The following RNFT2 variants were observed in gnomAD, a reference collection of about 807,000 sequenced individuals.
RNFT2 encodes ring finger protein, transmembrane 2, also known as E3 ubiquitin-protein ligase RNFT2.
RNFT2 carries 36 observed loss-of-function variants against 53.0 expected under a neutral mutation model. That is an observed-to-expected ratio of 0.68 (90% confidence interval 0.52 to 0.90). The LOEUF (loss-of-function observed/expected upper bound fraction) is 0.90, where lower values mean the gene tolerates loss of function less well. RNFT2 is among the 40% of genes least tolerant of loss of function. The pLI is 0.00. For missense variants in RNFT2, 514 were observed against 585.6 expected, an observed-to-expected ratio of 0.88 and a Z score of 1.26; for synonymous variants, 260 against 253.2, an observed-to-expected ratio of 1.03 and a Z score of -0.26.
At chr12:116,768,780 G>T (rs1350580571) in intron 6 of RNFT2, among the ~76,000 whole-genome samples, 2 of 150,500 alleles carry the variant, frequency 1.3e-5, no homozygotes, top group African/African-American at 4.9e-5. Context: ...GCCCAGGCTG[G>T]AGTGCAGTGG....
At chr12:116,841,780 A>AATAT (rs1180873080) in intron 10 of RNFT2, among the ~76,000 whole-genome samples, 3 of 101,330 alleles carry the variant, frequency 3.0e-5, no homozygotes, top group African/African-American at 1.3e-4. Context: ...TATATATATA[A>AATAT]ATATATATAT....
Position 116,762,802 on chromosome 12 carries a change from G to C in RNFT2, c.628-4012G>C, listed in dbSNP as rs374141291. ...AATTTTTATATTTTTAGTAGAGATG[G>C]GGTTTCACCACGTTGGCCAGGCTGG... is the stretch of plus-strand genomic sequence containing the variant. On this transcript the variant is annotated intron_variant, in intron 5 of 10. Coordinates refer to ENST00000257575, the MANE Select transcript of RNFT2 (RefSeq NM_001382266.1). Among the ~76,000 whole-genome samples, 365 of 152,140 alleles carry C rather than the reference G, an allele frequency of 2.4e-3. 3 individuals carry two copies. Among genetic ancestry groups the C allele is most frequent in the African/African-American group, 8.6e-3 (357 of 41,520 alleles).
chr12:116,841,818 A>T (rs71442800), intron 10 of RNFT2, among the ~76,000 whole-genome samples: 811 of 76,478 alleles, frequency 0.011, 23 homozygotes, highest in African/African-American at 0.035. Context: ...TATATATATA[A>T]AAATATATAT....
chr12:116,741,379 A>C (rs1225065135), intron 3 of RNFT2, among the ~76,000 whole-genome samples: 1 of 152,220 alleles, frequency 6.6e-6, no homozygotes, highest in Non-Finnish European at 1.5e-5. Flanking sequence ...TATCACAAAA[A>C]TATCATAGAA....
In RNFT2 at chr12:116,833,691, G is replaced by A; in HGVS notation, c.883-101G>A. 3 of 1,209,744 alleles carry A rather than the reference G, an allele frequency of 2.5e-6. No individual in the cohort carries two copies. The Admixed American group carries it at 6.3e-5, about 26-fold the overall frequency. The allele number at this position is 1,209,744 out of a possible 1,614,324, so 74.9% of individuals were successfully genotyped here. On this transcript the variant is annotated intron_variant, in intron 7 of 10. Coordinates refer to ENST00000257575, the MANE Select transcript of RNFT2 (RefSeq NM_001382266.1). ...TCCAGAGCTGATTAATGGCCTGCCT[G>A]TGACCTAGAATGTCATCACTGCCCG...
intron 7 of RNFT2, among the ~76,000 whole-genome samples, chr12:116,810,216 G>A (rs1875303067): frequency 6.6e-6 from 1 of 152,126 alleles, no homozygotes; most frequent in Non-Finnish European, 1.5e-5. Context: ...GGAAAACAGA[G>A]AATGGACACC....
chr12:116,827,134 C>T (rs1220869795), intron 7 of RNFT2, among the ~76,000 whole-genome samples: 1 of 150,328 alleles, frequency 6.7e-6, no homozygotes, highest in Admixed American at 6.6e-5. Context: ...GCAGGAGAAT[C>T]GTTTGAATCC....
At chr12:116,771,793 C>T (rs983514516) in intron 6 of RNFT2, among the ~76,000 whole-genome samples, 6 of 152,146 alleles carry the variant, frequency 3.9e-5, no homozygotes, top group Non-Finnish European at 7.4e-5. Context: ...GAATGGATTA[C>T]TTAGCCCCGA....
chr12:116,851,945 C>T lies in RNFT2; in HGVS notation c.*2497C>T, dbSNP rs987324366. 2.0e-6 allele frequency: 3 copies of T among 1,527,864 alleles called. No homozygotes were observed. The highest frequency in any genetic ancestry group is 2.6e-6 in the Non-Finnish European group (3 of 1,143,848). The allele number at this position is 1,527,864 out of a possible 1,614,324, so 94.6% of individuals were successfully genotyped here. ...TGGACATTGCCATCCCCTCTGGTAG[C>T]CTTCAGAGCAAACAGGACAACCTAT... On this transcript the variant is annotated 3_prime_UTR_variant, in exon 11 of 11. Coordinates refer to ENST00000257575, the MANE Select transcript of RNFT2 (RefSeq NM_001382266.1).
rs1361943699 is a variant in RNFT2, at chr12:116,851,791, G to A, written c.*2343G>A. On this transcript the variant is annotated 3_prime_UTR_variant, in exon 11 of 11. Transcript: ENST00000257575. ...GGGAGGGAGGGAGGAAGGAAGGAAG[G>A]AAGGAAAGAAAGAAAGGTCAGCTTT... 1 of 858,432 alleles carries A rather than the reference G, an allele frequency of 1.2e-6. No individual in the cohort carries two copies. The highest frequency in any genetic ancestry group is 1.9e-6 in the Non-Finnish European group (1 of 535,226). The allele number at this position is 858,432 out of a possible 1,614,324, so 53.2% of individuals were successfully genotyped here.
At chr12:116,785,074 G>GT (rs1873868643) in intron 7 of RNFT2, among the ~76,000 whole-genome samples, 2 of 151,912 alleles carry the variant, frequency 1.3e-5, no homozygotes, top group African/African-American at 4.8e-5. Flanking sequence ...ACACGCCTTG[G>GT]TTCCCCCTCT....
chr12:116,795,183 A>T (rs1044053196), intron 7 of RNFT2, among the ~76,000 whole-genome samples: 1 of 152,162 alleles, frequency 6.6e-6, no homozygotes, highest in African/African-American at 2.4e-5. Flanking sequence ...AGACAGGTGG[A>T]TCACCTGGGG....
rs1175959708 is a variant in RNFT2 at position 116,851,567 on chromosome 12, C to T, written c.*2119C>T. On this transcript the variant is annotated 3_prime_UTR_variant, in exon 11 of 11. Coordinates refer to ENST00000257575, the MANE Select transcript of RNFT2 (RefSeq NM_001382266.1). ...TAGCCTGGCCAACATGGCAAAACCC[C>T]CTCTTTACTAAAAAATACAAAAATT... 2 of 582,572 alleles carry T rather than the reference C, an allele frequency of 3.4e-6. No individual in the cohort carries two copies. The highest frequency in any genetic ancestry group is 6.1e-6 in the Non-Finnish European group (2 of 328,440). 36.1% of individuals were successfully genotyped at this position (582,572 alleles called of 1,614,324 possible).
At chr12:116,785,077 C>T (rs1212145864) in intron 7 of RNFT2, among the ~76,000 whole-genome samples, 1 of 152,080 alleles carries the variant, frequency 6.6e-6, no homozygotes, top group Non-Finnish European at 1.5e-5. Context: ...CGCCTTGGTT[C>T]CCCCTCTGTT....
At chr12:116,844,277 C>G (rs373324335) in intron 10 of RNFT2, among the ~76,000 whole-genome samples, 12 of 152,124 alleles carry the variant, frequency 7.9e-5, no homozygotes, top group African/African-American at 2.7e-4. Flanking sequence ...GTAGCCCAGG[C>G]TGGAATGTAG....
intron 7 of RNFT2, among the ~76,000 whole-genome samples, chr12:116,829,556 G>A (rs909595844): frequency 6.6e-6 from 1 of 152,124 alleles, no homozygotes; most frequent in Non-Finnish European, 1.5e-5. Flanking sequence ...GTGGGTGTAC[G>A]TGCTCCAAGG....
At chr12:116,781,565 G>A (rs1347388202) in intron 7 of RNFT2, among the ~76,000 whole-genome samples, 4 of 151,608 alleles carry the variant, frequency 2.6e-5, no homozygotes, top group African/African-American at 7.3e-5. Flanking sequence ...AGTCAGTGAT[G>A]GCAGGTTGAG....
At chr12:116,826,167 A>G (rs1876323145) in intron 7 of RNFT2, among the ~76,000 whole-genome samples, 1 of 149,922 alleles carries the variant, frequency 6.7e-6, no homozygotes, top group African/African-American at 2.5e-5. Flanking sequence ...TCAGCATCCT[A>G]CTCTCCTTCA....
Position 116,784,765 on chromosome 12 carries a change from C to T in RNFT2, c.882+5417C>T, listed in dbSNP as rs1873858175. 2.6e-5 allele frequency among the ~76,000 whole-genome samples: 4 copies of T among 152,166 alleles called. No homozygotes were observed. The South Asian group carries it at 8.3e-4, about 32-fold the overall frequency. ...TTTTGCCTCCCCAGTGACGTGGGAGCCCATCCTCCTTCTATATCTCCACCG... is the reference window on the plus strand; with the variant it reads ...TTTTGCCTCCCCAGTGACGTGGGAGTCCATCCTCCTTCTATATCTCCACCG... On this transcript the variant is annotated intron_variant, in intron 7 of 10. Coordinates refer to ENST00000257575, the MANE Select transcript of RNFT2 (RefSeq NM_001382266.1).
Sources: gnomAD v4.1 joint callset for allele counts (sites outside exome capture counted in the v4.1 genomes callset) on GRCh38, gnomAD v4.1.1 for gene constraint, MANE v1.5 for transcripts, NCBI Gene and HGNC (gene_info 2026-07-23, HGNC 2026-07-21) for gene names.